Variants in COLEC12 observed in about 807,000 individuals in gnomAD.
COLEC12 encodes the protein collectin subfamily member 12.
COLEC12 carries 33 observed loss-of-function variants against 71.1 expected under a neutral mutation model. The ratio of observed to expected loss-of-function variants is 0.46; its 90% CI spans 0.35 to 0.62. The LOEUF (loss-of-function observed/expected upper bound fraction) is 0.62. Ranked by LOEUF, COLEC12 falls within the 20% of genes least tolerant of loss-of-function variation. COLEC12 has a pLI of 0.00. For synonymous variants in COLEC12, 350 were observed against 353.0 expected, an observed-to-expected ratio of 0.99 and a Z score of 0.10; for missense variants, 765 against 916.1, an observed-to-expected ratio of 0.84 and a Z score of 2.13.
chr18:394,149 G>T (rs768716357), intron 2 of COLEC12, among the ~76,000 whole-genome samples: 1 of 152,134 alleles, frequency 6.6e-6, no homozygotes, highest in Non-Finnish European at 1.5e-5. Context: ...CATTGATGAG[G>T]CCAACACCAG....
chr18:317,692 A>T lies in COLEC12; in HGVS notation c.*2353T>A, dbSNP rs1913577808. The T allele has an allele frequency of 6.6e-6, 1 of 152,248 alleles. No homozygotes were observed. The highest frequency in any genetic ancestry group is 1.5e-5 in the Non-Finnish European group (1 of 68,044). The allele number at this position is 152,248 out of a possible 1,614,324, so 9.4% of individuals were successfully genotyped here. A position where few individuals can be genotyped will look rare whatever the true frequency, so the allele number is the denominator to read the frequency against. ...TTCTTCTGAAGACAAATTTTAATTGACACTTGAAAACCAGGAAGAGCATGA... is the reference window on the plus strand; with the variant it reads ...TTCTTCTGAAGACAAATTTTAATTGTCACTTGAAAACCAGGAAGAGCATGA... On this transcript the variant is annotated 3_prime_UTR_variant, in exon 10 of 10. Transcript: ENST00000400256.
chr18:333,230 G>A (rs979825988), intron 6 of COLEC12, 87 bp from the exon 7 acceptor site: 1 of 1,172,730 alleles, frequency 8.5e-7, no homozygotes. Flanking sequence ...GGCCAAAACT[G>A]TGGTCCCGCT....
intron 1 of COLEC12, among the ~76,000 whole-genome samples, chr18:499,201 G>A (rs1490438237): frequency 1.3e-5 from 2 of 152,214 alleles, no homozygotes; most frequent in Non-Finnish European, 2.9e-5. Flanking sequence ...GGAGACAGAA[G>A]GAAAGCAAGC....
intron 2 of COLEC12, among the ~76,000 whole-genome samples, chr18:476,188 C>G (rs1003553258): frequency 6.6e-6 from 1 of 152,160 alleles, no homozygotes; most frequent in Non-Finnish European, 1.5e-5. Flanking sequence ...TTTCAGCAAT[C>G]CCCTTAGAAC....
chr18:321,930 G>T (rs752515533), intron 8 of COLEC12, 123 bp from the exon 9 acceptor site: 89 of 991,230 alleles, frequency 9.0e-5, no homozygotes, highest in Admixed American at 3.2e-4. Context: ...GAATGAAAAT[G>T]CAGTTTAAAA....
intron 2 of COLEC12, among the ~76,000 whole-genome samples, chr18:448,224 G>A (rs1916690724): frequency 6.6e-6 from 1 of 152,214 alleles, no homozygotes; most frequent in African/African-American, 2.4e-5. Flanking sequence ...GGGATAAACA[G>A]AGTAGACTTT....
intron 2 of COLEC12, among the ~76,000 whole-genome samples, chr18:358,509 C>A (rs1914675561): frequency 6.6e-6 from 1 of 152,128 alleles, no homozygotes; most frequent in Non-Finnish European, 1.5e-5. Flanking sequence ...AACCTAGATC[C>A]CTCACATGCA....
intron 1 of COLEC12, among the ~76,000 whole-genome samples, chr18:496,625 T>C (rs1173155781): frequency 1.3e-5 from 2 of 152,164 alleles, no homozygotes; most frequent in Non-Finnish European, 2.9e-5. Context: ...CCAAAAAACT[T>C]TGGGAGAAGT....
intron 2 of COLEC12, among the ~76,000 whole-genome samples, chr18:421,486 G>A (rs1916097523): frequency 6.6e-6 from 1 of 152,070 alleles, no homozygotes; most frequent in Non-Finnish European, 1.5e-5. Context: ...GTAGGCTGAT[G>A]AGGCAGGAGG....
chr18:431,380 T>C (rs1052396810), intron 2 of COLEC12, among the ~76,000 whole-genome samples: 2 of 152,186 alleles, frequency 1.3e-5, no homozygotes, highest in Non-Finnish European at 2.9e-5. Context: ...CTGCCTTATA[T>C]TGAAAGACTC....
chr18:447,290 C>T (rs1916672296), intron 2 of COLEC12, among the ~76,000 whole-genome samples: 1 of 152,246 alleles, frequency 6.6e-6, no homozygotes, highest in South Asian at 2.1e-4. Flanking sequence ...GTCAGTGGCA[C>T]CTTCCCGCAT....
At chr18:457,016 G>A (rs1326525550) in intron 2 of COLEC12, among the ~76,000 whole-genome samples, 4 of 152,170 alleles carry the variant, frequency 2.6e-5, no homozygotes, top group African/African-American at 4.8e-5. Context: ...GCATTTTCAC[G>A]GCATTTTGTT....
intron 2 of COLEC12, among the ~76,000 whole-genome samples, chr18:382,970 C>T (rs568328745): frequency 6.6e-6 from 1 of 152,088 alleles, no homozygotes; most frequent in Non-Finnish European, 1.5e-5. Context: ...TTTAAAAATG[C>T]AATGATTTTT....
chr18:361,021 C>T (rs1484225536), intron 2 of COLEC12, among the ~76,000 whole-genome samples: 1 of 152,108 alleles, frequency 6.6e-6, no homozygotes, highest in Non-Finnish European at 1.5e-5. Context: ...TATTTCTATC[C>T]CAATCCCTCA....
chr18:333,160 G>A lies in COLEC12; in HGVS notation c.1817-17C>T. 6.3e-7 allele frequency: 1 copy of A among 1,577,264 alleles called. No homozygotes were observed. The highest frequency in any genetic ancestry group is 8.6e-7 in the Non-Finnish European group (1 of 1,165,324). On this transcript the variant is annotated splice_polypyrimidine_tract_variant and intron_variant, in intron 6 of 9. Coordinates refer to ENST00000400256, the MANE Select transcript of COLEC12 (RefSeq NM_130386.3). ...GCGGGCAGCCTAGGAATGCAAAAGTGGAAAACATTGATTAAAAGATCACAG... is the reference window on the plus strand; with the variant it reads ...GCGGGCAGCCTAGGAATGCAAAAGTAGAAAACATTGATTAAAAGATCACAG...
At chr18:404,968 A>T (rs1915757414) in intron 2 of COLEC12, among the ~76,000 whole-genome samples, 1 of 152,142 alleles carries the variant, frequency 6.6e-6, no homozygotes, top group Non-Finnish European at 1.5e-5. Context: ...TAATATTAAT[A>T]CCCTGGGAAA....
rs1343207163 is a variant in COLEC12 at position 318,129 on chromosome 18, A to T, written c.*1916T>A. 1 of 116,366 alleles carries T rather than the reference A, an allele frequency of 8.6e-6. No individual in the cohort carries two copies. Among genetic ancestry groups the T allele is most frequent in the Non-Finnish European group, 1.9e-5 (1 of 53,054 alleles). 7.2% of individuals were successfully genotyped at this position (116,366 alleles called of 1,614,324 possible). ...GTAGCTGGGACTACAGGCGCCCGCC[A>T]CCGCGCCCGGCTAATTTTTTTTTTG... On this transcript the variant is annotated 3_prime_UTR_variant, in exon 10 of 10. Coordinates refer to ENST00000400256, the MANE Select transcript of COLEC12 (RefSeq NM_130386.3).
rs777165550 is a variant in COLEC12 at position 316,906 on chromosome 18, T to A, written c.*3139A>T. 1 of 152,104 alleles carries A rather than the reference T, an allele frequency of 6.6e-6. No individual in the cohort carries two copies. The highest frequency in any genetic ancestry group is 1.5e-5 in the Non-Finnish European group (1 of 68,032). The allele number at this position is 152,104 out of a possible 1,614,324, so 9.4% of individuals were successfully genotyped here. A position where few individuals can be genotyped will look rare whatever the true frequency, so the allele number is the denominator to read the frequency against. ...TAAAACTCTCCACTCCAAAAGAGCA[T>A]CAGTTGTGTGTAGGTGAATAGAAAG... is the stretch of plus-strand genomic sequence containing the variant. On this transcript the variant is annotated 3_prime_UTR_variant, in exon 10 of 10. Transcript: ENST00000400256.
intron 2 of COLEC12, among the ~76,000 whole-genome samples, chr18:368,550 G>A (rs1598340942): frequency 1.3e-5 from 2 of 152,074 alleles, no homozygotes; most frequent in East Asian, 1.9e-4. Flanking sequence ...CTCCAGCCTG[G>A]GTGATAGACA....
Sources: allele counts gnomAD v4.1 joint callset (sites outside exome capture counted in the v4.1 genomes callset), GRCh38; gene constraint gnomAD v4.1.1; transcripts MANE v1.5; gene names NCBI Gene and HGNC (gene_info 2026-07-23, HGNC 2026-07-21).